MTURN: variants seen among roughly 807,000 people sequenced by gnomAD.
The protein encoded by MTURN is maturin, neural progenitor differentiation regulator homolog, also known as maturin.
A neutral mutation model predicts 14.9 loss-of-function variants in MTURN; 7 were observed. The ratio of observed to expected loss-of-function variants is 0.47; its 90% CI spans 0.27 to 0.88. The LOEUF (loss-of-function observed/expected upper bound fraction) is 0.88. Among genes scored for constraint, MTURN ranks in the 40% least tolerant of loss-of-function variants. The pLI, the probability that MTURN is intolerant of heterozygous loss-of-function variation, is 0.14. For missense variants in MTURN, 151 were observed against 174.1 expected (o/e 0.87, Z 0.75); for synonymous variants, 69 against 72.5 (o/e 0.95, Z 0.25).
Position 30,161,958 on chromosome 7 carries a change from A to G in MTURN, c.*4410A>G, listed in dbSNP as rs763705918. On this transcript the variant is annotated 3_prime_UTR_variant, in exon 3 of 3. Coordinates refer to ENST00000324453, the MANE Select transcript of MTURN (RefSeq NM_152793.3). The stretch of plus-strand genomic sequence containing the variant: ...AATGGGTGTCCATGGTAAAATATCT[A>G]TAGCTTCTGCTCACTGGGCAAATAT... The G allele has an allele frequency of 4.6e-5, 7 of 151,998 alleles. No individual in the cohort carries two copies. The highest frequency in any genetic ancestry group is 1.0e-4 in the Non-Finnish European group (7 of 68,000). 9.4% of individuals were successfully genotyped at this position (151,998 alleles called of 1,614,324 possible). A position where few individuals can be genotyped will look rare whatever the true frequency, so the allele number is the denominator to read the frequency against.
rs546454924 is a variant in MTURN, at chr7:30,158,450, G to T, written c.*902G>T. ...TAAATTTGTTAGAAAAGTAAACCAG[G>T]ATTAAAAGTTTTTAAAAATATGGTA... is the stretch of plus-strand genomic sequence containing the variant. On this transcript the variant is annotated 3_prime_UTR_variant, in exon 3 of 3. Transcript: ENST00000324453. The T allele has an allele frequency of 1.3e-5, 2 of 152,254 alleles. No homozygotes were observed. The highest frequency in any genetic ancestry group is 4.8e-5 in the African/African-American group (2 of 41,378). 9.4% of individuals were successfully genotyped at this position (152,254 alleles called of 1,614,324 possible).
In MTURN at chr7:30,135,029, C is replaced by G; in HGVS notation, c.-108C>G. ...ACAGTCCCAGCCGGCCCAGCCCGGC[C>G]CCGGAGGAGCCCGCGCAGGCCGAGC... is the stretch of plus-strand genomic sequence containing the variant. On this transcript the variant is annotated 5_prime_UTR_variant, in exon 1 of 3. Coordinates refer to ENST00000324453, the MANE Select transcript of MTURN (RefSeq NM_152793.3). The G allele has an allele frequency of 1.0e-6, 1 of 992,740 alleles. No individual in the cohort carries two copies. Among genetic ancestry groups the G allele is most frequent in the Non-Finnish European group, 1.2e-6 (1 of 808,788 alleles). The allele number at this position is 992,740 out of a possible 1,614,324, so 61.5% of individuals were successfully genotyped here.
At chr7:30,152,761 A>G (rs1272420201) in intron 2 of MTURN, among the ~76,000 whole-genome samples, 1 of 152,216 alleles carries the variant, frequency 6.6e-6, no homozygotes, top group Non-Finnish European at 1.5e-5. Flanking sequence ...CCACCTCAAT[A>G]TGGCCTCACA....
chr7:30,156,866 T>C (rs1049921771), intron 2 of MTURN, among the ~76,000 whole-genome samples: 2 of 152,098 alleles, frequency 1.3e-5, no homozygotes, highest in African/African-American at 4.8e-5. Context: ...AATTTTGTCA[T>C]GCTTTTTTTA....
intron 1 of MTURN, among the ~76,000 whole-genome samples, chr7:30,135,991 C>A (rs565958333): frequency 1.5e-3 from 234 of 151,664 alleles, no homozygotes; most frequent in African/African-American, 5.4e-3. Flanking sequence ...CACATGCTCA[C>A]ACCCTCACCC....
intron 2 of MTURN, among the ~76,000 whole-genome samples, chr7:30,151,201 G>A (rs1427087803): frequency 1.3e-5 from 2 of 152,170 alleles, no homozygotes; most frequent in East Asian, 1.9e-4. Context: ...CTGGCATGTC[G>A]TATCCAAATG....
At chr7:30,142,347 G>A (rs1797064152) in intron 1 of MTURN, among the ~76,000 whole-genome samples, 1 of 152,156 alleles carries the variant, frequency 6.6e-6, no homozygotes, top group Non-Finnish European at 1.5e-5. Flanking sequence ...CCACTTCACT[G>A]CAGCTCAGGC....
At chr7:30,154,626 G>T (rs1797258927) in intron 2 of MTURN, among the ~76,000 whole-genome samples, 1 of 152,160 alleles carries the variant, frequency 6.6e-6, no homozygotes. Flanking sequence ...TCAGCAAGGT[G>T]GTGACTTGGC....
chr7:30,140,417 A>ATATATATATATATATATATC lies in MTURN; in HGVS notation c.162+5120_162+5121insATATATATATATATATATCT, dbSNP rs1163371256. On this transcript the variant is annotated intron_variant, in intron 1 of 2. Coordinates refer to ENST00000324453, the MANE Select transcript of MTURN (RefSeq NM_152793.3). Reference sequence around the variant, plus strand: ...GGGGTGTGTGTGTGTGTGTGTGTGTATCCCCATTTGTGGTCTGAACACATC... The same window carrying ATATATATATATATATATATC: ...GGGGTGTGTGTGTGTGTGTGTGTGTATATATATATATATATATATCTCCCCATTTGTGGTCTGAACACATC... 2.0e-3 allele frequency among the ~76,000 whole-genome samples: 34 copies of ATATATATATATATATATATC among 17,166 alleles called. 1 individual carries two copies. In the South Asian group the frequency reaches 0.091, roughly 46 times the overall value. 11.3% of individuals were successfully genotyped at this position (17,166 alleles called of 152,430 possible).
chr7:30,138,892 A>C (rs1192890715), intron 1 of MTURN, among the ~76,000 whole-genome samples: 1 of 152,128 alleles, frequency 6.6e-6, no homozygotes, highest in African/African-American at 2.4e-5. Context: ...GTCTGCCTAG[A>C]ACCCTCTTGC....
At chr7:30,135,783 C>T (rs1796943176) in intron 1 of MTURN, among the ~76,000 whole-genome samples, 1 of 152,334 alleles carries the variant, frequency 6.6e-6, no homozygotes, top group African/African-American at 2.4e-5. Context: ...CCCTCCGGTG[C>T]CCAGCCTCGG....
Position 30,157,719 on chromosome 7 carries a change from C to G in MTURN, c.*171C>G. ...ACGACCACAAAATATCTGTGATGAGCTTTGCTCAGAAGTGACCTGAATTTC... is the reference window on the plus strand; with the variant it reads ...ACGACCACAAAATATCTGTGATGAGGTTTGCTCAGAAGTGACCTGAATTTC... On this transcript the variant is annotated 3_prime_UTR_variant, in exon 3 of 3. Coordinates refer to ENST00000324453, the MANE Select transcript of MTURN (RefSeq NM_152793.3). 2.4e-6 allele frequency: 1 copy of G among 409,300 alleles called. No individual in the cohort carries two copies. Among genetic ancestry groups the G allele is most frequent in the South Asian group, 4.1e-5 (1 of 24,596 alleles). 25.4% of individuals were successfully genotyped at this position (409,300 alleles called of 1,614,324 possible). A position where few individuals can be genotyped will look rare whatever the true frequency, so the allele number is the denominator to read the frequency against.
intron 2 of MTURN, among the ~76,000 whole-genome samples, chr7:30,150,896 C>T (rs916406787): frequency 1.3e-5 from 2 of 152,178 alleles, no homozygotes; most frequent in Non-Finnish European, 2.9e-5. Context: ...GCCTCAGTGT[C>T]CCCAGCTTTA....
At chr7:30,144,221 T>C (rs1210875252) in intron 1 of MTURN, among the ~76,000 whole-genome samples, 2 of 152,290 alleles carry the variant, frequency 1.3e-5, no homozygotes, top group East Asian at 3.8e-4. Context: ...CTCTGTCATC[T>C]TCACAAGTCT....
At chr7:30,149,104 C>T (rs1451198836) in intron 2 of MTURN, among the ~76,000 whole-genome samples, 3 of 152,030 alleles carry the variant, frequency 2.0e-5, no homozygotes, top group Non-Finnish European at 4.4e-5. Flanking sequence ...TTTTCCTTAC[C>T]GAGGCTCTGG....
intron 1 of MTURN, among the ~76,000 whole-genome samples, chr7:30,139,456 C>A (rs1206128759): frequency 6.6e-6 from 1 of 152,198 alleles, no homozygotes; most frequent in Non-Finnish European, 1.5e-5. Context: ...CATGGCATCA[C>A]AGGAGTGACA....
At chr7:30,149,626 A>G (rs1797178733) in intron 2 of MTURN, among the ~76,000 whole-genome samples, 2 of 152,162 alleles carry the variant, frequency 1.3e-5, no homozygotes, top group Non-Finnish European at 2.9e-5. Context: ...CAATGGCACC[A>G]TTTATCTGTT....
chr7:30,151,662 C>T (rs748223757), intron 2 of MTURN, among the ~76,000 whole-genome samples: 3 of 152,300 alleles, frequency 2.0e-5, no homozygotes, highest in Admixed American at 6.5e-5. Context: ...TCCTTACCAA[C>T]GCTGTGGACA....
chr7:30,145,572 G>C (rs570665246), intron 1 of MTURN, among the ~76,000 whole-genome samples: 2 of 152,166 alleles, frequency 1.3e-5, no homozygotes, highest in South Asian at 4.1e-4. Flanking sequence ...ATGATGCTTC[G>C]GTATGATGTC....
Sources: gnomAD v4.1 joint callset for allele counts (sites outside exome capture counted in the v4.1 genomes callset) on GRCh38, gnomAD v4.1.1 for gene constraint, MANE v1.5 for transcripts, NCBI Gene and HGNC (gene_info 2026-07-23, HGNC 2026-07-21) for gene names.